The following CDH12 variants were observed in gnomAD, a reference collection of about 807,000 sequenced individuals.
CDH12 encodes cadherin-12.
A neutral mutation model predicts 74.1 loss-of-function variants in CDH12; 41 were observed. The observed-to-expected ratio is 0.55, with a 90% CI of 0.43 to 0.72. The LOEUF is 0.72. Ranked by LOEUF, CDH12 falls within the 30% of genes least tolerant of loss-of-function variation. The probability of loss-of-function intolerance (pLI) is 0.00; values close to 1 mark genes in which losing one functional copy is unlikely to be tolerated. For missense variants in CDH12, 945 were observed against 977.2 expected (o/e 0.97, Z 0.44); for synonymous variants, 399 against 355.0 (o/e 1.12, Z -1.39).
chr5:22,029,490 C>G (rs1257539983), intron 5 of CDH12, among the ~76,000 whole-genome samples: 22 of 150,806 alleles, frequency 1.5e-4, no homozygotes, highest in African/African-American at 5.1e-4. Flanking sequence ...GACATTTATG[C>G]AGCCAAAAAA....
chr5:22,438,554 T>C (rs1474958160), intron 2 of CDH12, among the ~76,000 whole-genome samples: 1 of 152,048 alleles, frequency 6.6e-6, no homozygotes, highest in Non-Finnish European at 1.5e-5. Flanking sequence ...TTGGCACATA[T>C]GCTACTCAAA....
chr5:22,747,222 C>T (rs1026026085), intron 1 of CDH12, among the ~76,000 whole-genome samples: 2 of 151,946 alleles, frequency 1.3e-5, no homozygotes, highest in African/African-American at 2.4e-5. Flanking sequence ...TACAGAAAGG[C>T]TTACCTATAA....
intron 10 of CDH12, among the ~76,000 whole-genome samples, chr5:21,788,419 T>C (rs141301144): frequency 5.3e-5 from 8 of 152,134 alleles, no homozygotes; most frequent in East Asian, 3.9e-4. Flanking sequence ...AGAATTACTA[T>C]AGAAAACTAT....
intron 4 of CDH12, among the ~76,000 whole-genome samples, chr5:22,095,178 G>C (rs1743680452): frequency 6.6e-6 from 1 of 152,114 alleles, no homozygotes; most frequent in Admixed American, 6.5e-5. Context: ...AGACCCACCA[G>C]CCCAAGGAAC....
At chr5:22,767,359 T>C (rs1037479965) in intron 1 of CDH12, among the ~76,000 whole-genome samples, 2 of 152,040 alleles carry the variant, frequency 1.3e-5, no homozygotes, top group Non-Finnish European at 2.9e-5. Flanking sequence ...GATTGACTAT[T>C]TTCCTTTTGC....
At chr5:21,772,739 G>A (rs2149885398) in intron 11 of CDH12, among the ~76,000 whole-genome samples, 1 of 152,140 alleles carries the variant, frequency 6.6e-6, no homozygotes, top group East Asian at 1.9e-4. Context: ...TTTTCTAATT[G>A]TGAATTCTCT....
At chr5:22,619,478 T>C (rs3103163) in intron 1 of CDH12, among the ~76,000 whole-genome samples, 84,960 of 151,828 alleles carry the variant, frequency 0.56, 24,118 homozygotes, top group East Asian at 0.68. Flanking sequence ...TCTGAATACA[T>C]ATTTCTGGTT....
At chr5:22,742,505 A>G (rs1017223389) in intron 1 of CDH12, among the ~76,000 whole-genome samples, 2 of 152,102 alleles carry the variant, frequency 1.3e-5, no homozygotes, top group Non-Finnish European at 2.9e-5. Context: ...ATAGTAGACG[A>G]AAAATGGGTT....
chr5:22,483,399 T>G (rs946553296), intron 2 of CDH12, among the ~76,000 whole-genome samples: 13 of 152,028 alleles, frequency 8.6e-5, no homozygotes, highest in Non-Finnish European at 1.5e-4. Flanking sequence ...GTTCTAGGTA[T>G]TGGGAATACA....
chr5:22,718,077 A>T (rs549245335), intron 1 of CDH12, among the ~76,000 whole-genome samples: 1 of 152,320 alleles, frequency 6.6e-6, no homozygotes, highest in South Asian at 2.1e-4. Context: ...TAGCTAATAC[A>T]TGTTTATTAA....
At chr5:22,440,977 A>G (rs537762752) in intron 2 of CDH12, among the ~76,000 whole-genome samples, 1 of 152,288 alleles carries the variant, frequency 6.6e-6, no homozygotes, top group East Asian at 1.9e-4. Flanking sequence ...GAACAACTAC[A>G]TATTTGCAAG....
At chr5:22,604,238 G>T (rs1478463784) in intron 1 of CDH12, among the ~76,000 whole-genome samples, 3 of 152,182 alleles carry the variant, frequency 2.0e-5, no homozygotes, top group Non-Finnish European at 4.4e-5. Context: ...AGCTATTTCT[G>T]GGGGGTGGGG....
At chr5:22,392,148 T>C (rs1029502477) in intron 3 of CDH12, among the ~76,000 whole-genome samples, 4 of 152,170 alleles carry the variant, frequency 2.6e-5, no homozygotes, top group African/African-American at 9.7e-5. Context: ...ACTCACTAAA[T>C]AACGATTCAG....
intron 2 of CDH12, among the ~76,000 whole-genome samples, chr5:22,498,993 TC>T (rs2126652551): frequency 7.0e-6 from 1 of 143,874 alleles, no homozygotes; most frequent in African/African-American, 2.6e-5. Context: ...AACCTCTGTC[TC>T]CCCCGTTCAA....
chr5:22,199,898 T>G (rs1750828045), intron 4 of CDH12, among the ~76,000 whole-genome samples: 1 of 152,210 alleles, frequency 6.6e-6, no homozygotes, highest in Non-Finnish European at 1.5e-5. Flanking sequence ...TGACAAGCTA[T>G]TTAAAATGTC....
chr5:22,052,367 C>T (rs1740432972), intron 5 of CDH12, among the ~76,000 whole-genome samples: 1 of 152,062 alleles, frequency 6.6e-6, no homozygotes, highest in Non-Finnish European at 1.5e-5. Flanking sequence ...TGATTATCTT[C>T]TCCTTTCAGC....
intron 4 of CDH12, among the ~76,000 whole-genome samples, chr5:22,199,136 T>C (rs1471631993): frequency 1.3e-5 from 2 of 152,150 alleles, no homozygotes; most frequent in Admixed American, 1.3e-4. Flanking sequence ...CTCAGATTCC[T>C]CCAAATATGG....
intron 4 of CDH12, among the ~76,000 whole-genome samples, chr5:22,205,535 C>T (rs1199542226): frequency 2.0e-5 from 3 of 151,624 alleles, no homozygotes; most frequent in Admixed American, 6.6e-5. Flanking sequence ...AATATATTTC[C>T]CTCTATTGTT....
In CDH12 at chr5:22,027,743, T is replaced by C. The variant is rs1390297805; in HGVS notation, c.231+50703A>G. ...AGTCTTGCTAGTGGTCTATTAATTT[T>C]GTTGATCCTTTCAAAAAACCAGCTC... On this transcript the variant is annotated intron_variant, in intron 5 of 14. Transcript: ENST00000382254. 5.9e-5 allele frequency among the ~76,000 whole-genome samples: 9 copies of C among 152,200 alleles called. No homozygotes were observed. The East Asian group carries it at 1.5e-3, about 26-fold the overall frequency.
Sources: gnomAD v4.1 joint callset for allele counts (sites outside exome capture counted in the v4.1 genomes callset) on GRCh38, gnomAD v4.1.1 for gene constraint, MANE v1.5 for transcripts, NCBI Gene and HGNC (gene_info 2026-07-23, HGNC 2026-07-21) for gene names.